Variants in GRID2 observed in about 807,000 individuals in gnomAD.
The protein encoded by GRID2 is glutamate ionotropic receptor delta type subunit 2, also known as glutamate receptor ionotropic, delta-2.
GRID2 carries 33 observed loss-of-function variants against 114.8 expected under a neutral mutation model. The ratio of observed to expected loss-of-function variants is 0.29; its 90% CI spans 0.22 to 0.38. The LOEUF (loss-of-function observed/expected upper bound fraction) is 0.38. Among genes scored for constraint, GRID2 ranks in the 10% least tolerant of loss-of-function variants. The pLI is 1.00. For synonymous variants in GRID2, 505 were observed against 449.9 expected (o/e 1.12, Z -1.55); for missense variants, 1,184 against 1,257.7 (o/e 0.94, Z 0.89).
chr4:92,513,496 G>C (rs1383299192), intron 1 of GRID2, among the ~76,000 whole-genome samples: 5 of 151,786 alleles, frequency 3.3e-5, no homozygotes. Flanking sequence ...CCTCCTCTTT[G>C]CCTCTATTTC....
At chr4:92,742,361 C>T (rs1236770547) in intron 2 of GRID2, among the ~76,000 whole-genome samples, 9 of 151,452 alleles carry the variant, frequency 5.9e-5, no homozygotes, top group Non-Finnish European at 1.0e-4. Context: ...TTTTCTTTTT[C>T]CCCCTTTTCC....
chr4:92,565,653 C>G (rs914372409), intron 1 of GRID2, among the ~76,000 whole-genome samples: 2 of 152,006 alleles, frequency 1.3e-5, no homozygotes, highest in Admixed American at 1.3e-4. Flanking sequence ...ACTACTAGTT[C>G]CTAACGCAGC....
Position 93,724,655 on chromosome 4 carries a change from G to C in GRID2, c.2361-44555G>C, listed in dbSNP as rs142573351. ...GTGCCCATATGAAGGTGATTAAAGG[G>C]AGAAAATAAGAGACCGAGAGAGGAA... On this transcript the variant is annotated intron_variant, in intron 14 of 15. Transcript: ENST00000282020. 1.1e-3 allele frequency among the ~76,000 whole-genome samples: 164 copies of C among 152,220 alleles called. 1 individual carries two copies. Among genetic ancestry groups the C allele is most frequent in the Middle Eastern group, 0.01 (3 of 294 alleles).
chr4:93,308,153 C>T (rs763755446), intron 8 of GRID2, among the ~76,000 whole-genome samples: 20 of 152,100 alleles, frequency 1.3e-4, no homozygotes, highest in Non-Finnish European at 2.1e-4. Context: ...CCTCAGTGCT[C>T]CTATGATTGG....
At position 92,940,123 on chromosome 4, in the gene GRID2, G is replaced by A. The variant is rs1362450610; in HGVS notation, c.245-144872G>A. On this transcript the variant is annotated intron_variant, in intron 2 of 15. Coordinates refer to ENST00000282020, the MANE Select transcript of GRID2 (RefSeq NM_001510.4). ...TGAAGAAAGTCATTGGTAGCTTAATGGGGATGGCATTGAAACTATAAATTA... is the reference window on the plus strand; with the variant it reads ...TGAAGAAAGTCATTGGTAGCTTAATAGGGATGGCATTGAAACTATAAATTA... Among the ~76,000 whole-genome samples the A allele has an allele frequency of 1.4e-4, 21 of 147,056 alleles. 4 individuals carry two copies. The highest frequency in any genetic ancestry group is 1.4e-3 in the Admixed American group (19 of 13,656).
At chr4:92,644,063 T>A (rs1731492838) in intron 2 of GRID2, among the ~76,000 whole-genome samples, 1 of 151,608 alleles carries the variant, frequency 6.6e-6, no homozygotes, top group Admixed American at 6.6e-5. Flanking sequence ...TACAACTAGA[T>A]CTGACTGACA....
intron 1 of GRID2, among the ~76,000 whole-genome samples, chr4:92,436,029 T>C (rs532181621): frequency 1.3e-5 from 2 of 152,250 alleles, no homozygotes; most frequent in Admixed American, 1.3e-4. Flanking sequence ...ATATGAGACT[T>C]CACAAGGAAG....
intron 1 of GRID2, among the ~76,000 whole-genome samples, chr4:92,373,487 T>A (rs1390855251): frequency 6.6e-6 from 1 of 152,234 alleles, no homozygotes; most frequent in East Asian, 1.9e-4. Flanking sequence ...AGCTTCCAGC[T>A]GTGAGGGGCT....
intron 14 of GRID2, among the ~76,000 whole-genome samples, chr4:93,713,566 A>G (rs1367259255): frequency 6.6e-6 from 1 of 151,880 alleles, no homozygotes; most frequent in Admixed American, 6.6e-5. Context: ...TTGCGCTTAT[A>G]TTGTTCTAGG....
At chr4:93,100,159 G>T (rs1731575010) in intron 3 of GRID2, among the ~76,000 whole-genome samples, 1 of 151,654 alleles carries the variant, frequency 6.6e-6, no homozygotes, top group Non-Finnish European at 1.5e-5. Flanking sequence ...TACTGCTTTG[G>T]ATTTATTCAT....
intron 2 of GRID2, among the ~76,000 whole-genome samples, chr4:92,875,484 A>G (rs1242465721): frequency 1.3e-5 from 2 of 152,192 alleles, no homozygotes; most frequent in Non-Finnish European, 2.9e-5. Context: ...TTTCATAAGC[A>G]AGGTTGTAAA....
intron 1 of GRID2, among the ~76,000 whole-genome samples, chr4:92,546,234 ATGT>A (rs1443120149): frequency 1.3e-5 from 2 of 152,276 alleles, no homozygotes; most frequent in Admixed American, 6.5e-5. Context: ...ATTATTGTAG[ATGT>A]TGTTTTTTAA....
At chr4:93,178,788 A>ATCT (rs10667474) in intron 4 of GRID2, among the ~76,000 whole-genome samples, 87,015 of 151,580 alleles carry the variant, frequency 0.57, 26,203 homozygotes, top group African/African-American at 0.73. Context: ...GTTTTAAAAA[A>ATCT]TCTTTATGTT....
intron 8 of GRID2, among the ~76,000 whole-genome samples, chr4:93,239,335 A>C (rs962181739): frequency 2.0e-5 from 3 of 149,096 alleles, no homozygotes; most frequent in African/African-American, 4.9e-5. Context: ...TTTGCTATCT[A>C]TCTATCTATG....
intron 2 of GRID2, among the ~76,000 whole-genome samples, chr4:92,850,149 G>C (rs779285321): frequency 1.3e-5 from 2 of 151,110 alleles, no homozygotes; most frequent in African/African-American, 2.4e-5. Context: ...TCAGCACTAA[G>C]AAATCATTGT....
At chr4:93,078,237 G>A (rs1160539820) in intron 2 of GRID2, among the ~76,000 whole-genome samples, 2 of 152,006 alleles carry the variant, frequency 1.3e-5, no homozygotes, top group African/African-American at 4.8e-5. Flanking sequence ...CACTTAATTA[G>A]TTCCTACTTA....
At chr4:92,953,881 A>G (rs1752200760) in intron 2 of GRID2, among the ~76,000 whole-genome samples, 1 of 102,754 alleles carries the variant, frequency 9.7e-6, no homozygotes, top group Admixed American at 1.2e-4. Flanking sequence ...TTGCTTCTAC[A>G]AATTATTTTA....
At chr4:93,726,536 C>T (rs1029932187) in intron 14 of GRID2, among the ~76,000 whole-genome samples, 1 of 152,134 alleles carries the variant, frequency 6.6e-6, no homozygotes, top group African/African-American at 2.4e-5. Flanking sequence ...TCATTGGTAG[C>T]TTGATGGGGA....
chr4:93,336,597 T>A (rs1442379514), intron 8 of GRID2, among the ~76,000 whole-genome samples: 3 of 152,192 alleles, frequency 2.0e-5, no homozygotes, highest in Non-Finnish European at 4.4e-5. Flanking sequence ...TATGAGCATC[T>A]GCAAATTCCC....
Sources: allele counts gnomAD v4.1 joint callset (sites outside exome capture counted in the v4.1 genomes callset), GRCh38; gene constraint gnomAD v4.1.1; transcripts MANE v1.5; gene names NCBI Gene and HGNC (gene_info 2026-07-23, HGNC 2026-07-21).